NCOR2: variants seen among roughly 807,000 people sequenced by gnomAD.
NCOR2 encodes CTG repeat protein 26.
A neutral mutation model predicts 262.9 loss-of-function variants in NCOR2; 81 were observed. That is an observed-to-expected ratio of 0.31 (90% confidence interval 0.26 to 0.37). The LOEUF (loss-of-function observed/expected upper bound fraction) is 0.37. NCOR2 is among the 10% of genes least tolerant of loss of function. NCOR2 has a pLI of 1.00. For missense variants in NCOR2, 3,385 were observed against 3,621.4 expected (o/e 0.93, Z 1.68); for synonymous variants, 1,659 against 1,559.3 (o/e 1.06, Z -1.51).
exon 32 of NCOR2, chr12:124,344,625 C>A: frequency 1.4e-6 from 2 of 1,464,140 alleles, no homozygotes; most frequent in East Asian, 2.5e-5. Context: ...TGGGCTCCCG[C>A]GTGGTCACGG....
chr12:124,462,197 T>G (rs556978788), intron 5 of NCOR2, among the ~76,000 whole-genome samples: 1 of 152,024 alleles, frequency 6.6e-6, no homozygotes, highest in Non-Finnish European at 1.5e-5. Flanking sequence ...CACACATACA[T>G]CCACATGCGG....
chr12:124,345,206 A>C (rs898287858), intron 31 of NCOR2, among the ~76,000 whole-genome samples: 5 of 152,134 alleles, frequency 3.3e-5, no homozygotes, highest in Non-Finnish European at 7.4e-5. Context: ...AAAGTTCAAC[A>C]GTCAACTCTC....
chr12:124,329,154 A>T (rs1475364153), intron 44 of NCOR2: 1 of 470,032 alleles, frequency 2.1e-6, no homozygotes, highest in Admixed American at 2.3e-5. Context: ...CTTGTGGACT[A>T]AAACTGCATA....
chr12:124,326,450 G>C (rs1198906419), intron 45 of NCOR2, 80 bp from the exon 48 acceptor site: 2 of 1,332,052 alleles, frequency 1.5e-6, no homozygotes, highest in Non-Finnish European at 9.7e-7. Context: ...ACAGGGGCAG[G>C]GTGAGGTCCT....
chr12:124,534,500 C>T (rs997009991), intron 1 of NCOR2, among the ~76,000 whole-genome samples: 2 of 152,064 alleles, frequency 1.3e-5, no homozygotes, highest in African/African-American at 4.8e-5. Flanking sequence ...GGACCACTGT[C>T]ATATATGCGG....
At chr12:124,444,271 G>A (rs976028133) in intron 7 of NCOR2, among the ~76,000 whole-genome samples, 1 of 152,196 alleles carries the variant, frequency 6.6e-6, no homozygotes, top group African/African-American at 2.4e-5. Context: ...AGCATGTGAT[G>A]AGTTTGCTGG....
rs372719360 is a variant in NCOR2, at chr12:124,374,471, G to A, written c.2168-8C>T. Reference sequence around the variant, plus strand: ...TCCCAGAGGCATGTAAGGCTGGAAGGAAGTCAGAGAAGAGTTAGAAGTGAG... The same window carrying A: ...TCCCAGAGGCATGTAAGGCTGGAAGAAAGTCAGAGAAGAGTTAGAAGTGAG... On this transcript the variant is annotated splice_polypyrimidine_tract_variant and splice_region_variant and intron_variant, in intron 18 of 46. Transcript: ENST00000405201. The A allele has an allele frequency of 1.9e-6, 3 of 1,611,712 alleles. No individual in the cohort carries two copies. Among genetic ancestry groups the A allele is most frequent in the African/African-American group, 2.7e-5 (2 of 74,898 alleles).
chr12:124,353,828 C>T (rs1410755972), intron 27 of NCOR2, among the ~76,000 whole-genome samples: 2 of 152,226 alleles, frequency 1.3e-5, no homozygotes, highest in Non-Finnish European at 2.9e-5. Flanking sequence ...CCTGCCTGCT[C>T]GGTTTTCACC....
At chr12:124,372,406 G>T in exon 20 of NCOR2, 1 of 1,507,832 alleles carries the variant, frequency 6.6e-7, no homozygotes, top group African/African-American at 1.4e-5. Context: ...TGCTGGTGGG[G>T]GCGTAGGGGC....
intron 16 of NCOR2, among the ~76,000 whole-genome samples, chr12:124,390,840 G>A (rs938811339): frequency 2.6e-5 from 4 of 152,268 alleles, no homozygotes; most frequent in Admixed American, 6.5e-5. Context: ...GTTTCGTTCT[G>A]AAGAGTCAGG....
exon 38 of NCOR2, chr12:124,337,027 C>A: frequency 6.7e-7 from 1 of 1,503,130 alleles, no homozygotes; most frequent in Non-Finnish European, 8.9e-7. Context: ...CTGCTCGGGG[C>A]CGCTCTGGCC....
chr12:124,374,289 A>T (rs1211186412), intron 19 of NCOR2, 124 bp downstream of exon 21: 40 of 989,414 alleles, frequency 4.0e-5, no homozygotes, highest in Non-Finnish European at 5.5e-5. Context: ...CGCGGAGCAC[A>T]AACGGTGGCG....
At chr12:124,402,316 C>A in intron 14 of NCOR2, 88 bp downstream of exon 16, 5 of 1,571,546 alleles carry the variant, frequency 3.2e-6, no homozygotes, top group Non-Finnish European at 4.3e-6. Flanking sequence ...GGGCACCCCA[C>A]CCGTCTCTAC....
At chr12:124,499,137 A>G (rs2136931687), upstream of NCOR2, among the ~76,000 whole-genome samples, 1 of 152,190 alleles carries the variant, frequency 6.6e-6, no homozygotes, top group Non-Finnish European at 1.5e-5. Context: ...AGTGAATGCC[A>G]AAAAAAATGA....
intron 20 of NCOR2, among the ~76,000 whole-genome samples, chr12:124,364,182 G>A (rs1213866425): frequency 1.3e-5 from 2 of 152,204 alleles, no homozygotes; most frequent in Non-Finnish European, 2.9e-5. Context: ...TCCCAGAGAA[G>A]CCCAGACCTG....
chr12:124,411,606 A>G (rs911522807), intron 13 of NCOR2, among the ~76,000 whole-genome samples: 16 of 152,190 alleles, frequency 1.1e-4, no homozygotes, highest in African/African-American at 3.9e-4. Context: ...CTCGCTCCCC[A>G]ACGGTCTGCA....
chr12:124,360,338 G>A (rs539440793), intron 22 of NCOR2, among the ~76,000 whole-genome samples: 27 of 152,292 alleles, frequency 1.8e-4, no homozygotes, highest in South Asian at 1.5e-3. Context: ...CGGGTTCAAC[G>A]CCCCACTGGC....
In NCOR2 at chr12:124,348,330, A is replaced by C. The variant is rs2037115087; in HGVS notation, c.3845-16T>G. ...GACATGCCACCTGGAAACCACACAAAGCACTCGGTGAGGAGCTGGGCACGG... is the reference window on the plus strand; with the variant it reads ...GACATGCCACCTGGAAACCACACAACGCACTCGGTGAGGAGCTGGGCACGG... On this transcript the variant is annotated splice_polypyrimidine_tract_variant and intron_variant, in intron 28 of 46. Coordinates refer to ENST00000405201, the Ensembl canonical transcript of NCOR2. 1.9e-6 allele frequency: 3 copies of C among 1,594,944 alleles called. No individual in the cohort carries two copies.
At chr12:124,565,847 C>T (rs1438949118) in intron 1 of NCOR2, among the ~76,000 whole-genome samples, 1 of 152,166 alleles carries the variant, frequency 6.6e-6, no homozygotes, top group African/African-American at 2.4e-5. Context: ...GAGTCAAACC[C>T]CAGGAGCTGA....
Sources: gnomAD v4.1 joint callset for allele counts (sites outside exome capture counted in the v4.1 genomes callset) on GRCh38, gnomAD v4.1.1 for gene constraint, MANE v1.5 for transcripts, NCBI Gene and HGNC (gene_info 2026-07-23, HGNC 2026-07-21) for gene names.